Variants in POLR2F observed in about 807,000 individuals in gnomAD.
POLR2F encodes the protein DNA-directed RNA polymerases I, II, and III subunit RPABC2.
POLR2F carries 12 observed loss-of-function variants against 22.7 expected under a neutral mutation model. That is an observed-to-expected ratio of 0.53 (90% CI 0.34 to 0.86). The LOEUF (loss-of-function observed/expected upper bound fraction) is 0.86, where lower values mean the gene tolerates loss of function less well. Among genes scored for constraint, POLR2F ranks in the 40% least tolerant of loss-of-function variants. The pLI, the probability that POLR2F is intolerant of heterozygous loss-of-function variation, is 0.02. For synonymous variants in POLR2F, 57 were observed against 66.0 expected (o/e 0.86, Z 0.66); for missense variants, 126 against 171.5 (o/e 0.73, Z 1.48).
intron 1 of POLR2F, among the ~76,000 whole-genome samples, chr22:38,005,032 C>G (rs2084808167): frequency 6.6e-6 from 1 of 152,168 alleles, no homozygotes; most frequent in Non-Finnish European, 1.5e-5. Context: ...AGGCCAGGAG[C>G]CATTGGTTTT....
At chr22:38,030,360 G>A (rs952198992), downstream of POLR2F, among the ~76,000 whole-genome samples, 5 of 152,132 alleles carry the variant, frequency 3.3e-5, no homozygotes, top group African/African-American at 1.2e-4. Flanking sequence ...GAGGTAGACT[G>A]CCAATTTTCA....
At position 37,987,558 on chromosome 22, in the gene POLR2F, A is replaced by T. The variant is rs147812231; in HGVS notation, c.120+1246A>T. ...CCTCCCTCCCTGCCTGCCCTGAAGG[A>T]TACACTGAGATGAAGGTCAGGAAAT... is the stretch of plus-strand genomic sequence containing the variant. On this transcript the variant is annotated intron_variant, in intron 1 of 2. Transcript: ENST00000333418. The T allele has an allele frequency of 1.6e-3, 544 of 345,086 alleles. 2 individuals carry two copies. The highest frequency in any genetic ancestry group is 2.5e-3 in the Non-Finnish European group (431 of 174,978). The allele number at this position is 345,086 out of a possible 1,614,324, so 21.4% of individuals were successfully genotyped here. A position where few individuals can be genotyped will look rare whatever the true frequency, so the allele number is the denominator to read the frequency against.
intron 4 of POLR2F, among the ~76,000 whole-genome samples, chr22:37,979,069 G>C (rs527264408): frequency 2.6e-5 from 4 of 151,786 alleles, no homozygotes; most frequent in African/African-American, 9.7e-5. Context: ...GAGCCATTGT[G>C]CCCAGCCCAA....
chr22:37,954,366 G>T (rs1931270296), intron 1 of POLR2F, among the ~76,000 whole-genome samples: 1 of 151,750 alleles, frequency 6.6e-6, no homozygotes, highest in South Asian at 2.1e-4. Flanking sequence ...GCAGTGGCGC[G>T]ATCTCGGCTC....
upstream of POLR2F, chr22:37,986,022 C>T (rs1932563354): frequency 2.9e-6 from 4 of 1,375,916 alleles, no homozygotes; most frequent in South Asian, 1.7e-5. The surrounding 1 kb of genome is among the most constrained non-coding windows in gnomAD (Gnocchi z 4.7). Context: ...CCCTCCTCCC[C>T]CCGCCTCCCT....
chr22:37,955,493 C>T (rs533679872), intron 1 of POLR2F, among the ~76,000 whole-genome samples: 1 of 148,466 alleles, frequency 6.7e-6, no homozygotes, highest in Non-Finnish European at 1.5e-5. Flanking sequence ...GAGCCAAGAT[C>T]ACGCCATTGC....
intron 1 of POLR2F, among the ~76,000 whole-genome samples, chr22:38,002,459 G>A (rs534061236): frequency 9.2e-5 from 14 of 152,182 alleles, no homozygotes; most frequent in Non-Finnish European, 1.9e-4. Flanking sequence ...TGCAACCTCC[G>A]CCTCCCAGGC....
intron 1 of POLR2F, among the ~76,000 whole-genome samples, chr22:38,014,528 T>C (rs1398144667): frequency 6.6e-6 from 1 of 151,118 alleles, no homozygotes; most frequent in Non-Finnish European, 1.5e-5. Flanking sequence ...TTTTTTTTTT[T>C]TTTTGAGACG....
intron 1 of POLR2F, among the ~76,000 whole-genome samples, chr22:38,005,621 A>G (rs932041478): frequency 6.6e-6 from 1 of 152,210 alleles, no homozygotes; most frequent in Non-Finnish European, 1.5e-5. Context: ...AGTTGGTGAT[A>G]GATCGGGTGT....
At chr22:38,019,333 G>A (rs2084940928) in intron 1 of POLR2F, among the ~76,000 whole-genome samples, 1 of 152,140 alleles carries the variant, frequency 6.6e-6, no homozygotes, top group African/African-American at 2.4e-5. Flanking sequence ...CCACATGACT[G>A]GCATCTGTGC....
intron 1 of POLR2F, among the ~76,000 whole-genome samples, chr22:37,955,662 G>A (rs1231939092): frequency 3.9e-5 from 6 of 151,904 alleles, no homozygotes; most frequent in South Asian, 4.2e-4. Flanking sequence ...AACAAAAGTC[G>A]GATTTACTTC....
At chr22:38,039,955 C>G (rs982071987) in intron 5 of POLR2F, among the ~76,000 whole-genome samples, 7 of 152,070 alleles carry the variant, frequency 4.6e-5, no homozygotes, top group African/African-American at 1.7e-4. Flanking sequence ...TCTCAAGAGA[C>G]AGTAAAAGTT....
chr22:38,038,797 G>A (rs1346985160), intron 5 of POLR2F, among the ~76,000 whole-genome samples: 2 of 59,284 alleles, frequency 3.4e-5, no homozygotes, highest in East Asian at 4.2e-4. Context: ...TCCCCCCGCC[G>A]GCGCCCGCAC....
chr22:38,003,634 TG>T (rs924544269), intron 1 of POLR2F, among the ~76,000 whole-genome samples: 3 of 151,796 alleles, frequency 2.0e-5, no homozygotes, highest in East Asian at 1.9e-4. Context: ...TGGAGTGCAG[TG>T]GTATGATCCC....
chr22:38,012,713 A>T (rs1317081375), intron 1 of POLR2F, among the ~76,000 whole-genome samples: 2 of 152,010 alleles, frequency 1.3e-5, no homozygotes, highest in East Asian at 3.9e-4. Flanking sequence ...CCTGTGTTTC[A>T]TGACCTTGAC....
upstream of POLR2F, chr22:37,986,133 A>G: frequency 6.6e-7 from 1 of 1,508,786 alleles, no homozygotes; most frequent in Non-Finnish European, 8.8e-7. The surrounding 1 kb of genome is among the most constrained non-coding windows in gnomAD (Gnocchi z 4.7). Flanking sequence ...ACACACACAC[A>G]CATAAAAAGC....
chr22:37,964,094 T>C (rs1265088206), intron 3 of POLR2F, among the ~76,000 whole-genome samples: 1 of 150,458 alleles, frequency 6.6e-6, no homozygotes, highest in Non-Finnish European at 1.5e-5. Context: ...AGTGAGACTC[T>C]GTTACCAAAA....
chr22:38,041,068 G>A (rs1176755329), exon 6 of POLR2F: 1 of 1,612,820 alleles, frequency 6.2e-7, no homozygotes, highest in South Asian at 1.1e-5. Flanking sequence ...TATTTTCCAG[G>A]AGGCGGCGGC....
Position 37,963,628 on chromosome 22 carries a change from T to A in POLR2F, c.222-3471T>A, listed in dbSNP as rs1931736405. Among the ~76,000 whole-genome samples the A allele has an allele frequency of 2.0e-5, 3 of 152,212 alleles. 1 individual carries two copies. Among genetic ancestry groups the A allele is most frequent in the African/African-American group, 7.2e-5 (3 of 41,456 alleles). The stretch of plus-strand genomic sequence containing the variant: ...AAGGATAGCACAGGGGGATAGGACA[T>A]TTCTGTCATTGCAGAGCATTCTATG... On this transcript the variant is annotated intron_variant, in intron 3 of 4. Coordinates refer to ENST00000442738, the MANE Select transcript of POLR2F (RefSeq NM_021974.5).
Sources: gnomAD v4.1 joint callset for allele counts (sites outside exome capture counted in the v4.1 genomes callset) on GRCh38, gnomAD v4.1.1 for gene constraint, Gnocchi (gnomAD v3.1) non-coding constraint, MANE v1.5 for transcripts, NCBI Gene and HGNC (gene_info 2026-07-23, HGNC 2026-07-21) for gene names.